The following ZNF7 variants were observed in gnomAD, a reference collection of about 807,000 sequenced individuals.
The protein encoded by ZNF7 is zinc finger protein 7, also known as C2-H2 type zinc finger protein.
Under a neutral mutation model 12.0 loss-of-function variants are expected in ZNF7, and 10 were observed. The observed-to-expected ratio is 0.83, with a 90% confidence interval of 0.51 to 1.42. The LOEUF (loss-of-function observed/expected upper bound fraction) is 1.42, where lower values mean the gene tolerates loss of function less well. Ranked by LOEUF, ZNF7 falls within the 40% of genes most tolerant of loss-of-function variation. The pLI is 0.00. For synonymous variants in ZNF7, 334 were observed against 295.0 expected (o/e 1.13, Z -1.35); for missense variants, 854 against 837.2 (o/e 1.02, Z -0.25).
intron 2 of ZNF7, 152 bp from the exon 3 acceptor site, chr8:144,829,326 G>A: frequency 1.3e-6 from 2 of 1,539,952 alleles, no homozygotes; most frequent in Non-Finnish European, 1.7e-6. Flanking sequence ...TCCTCCCCGA[G>A]ACTGCCCCTC....
intron 3 of ZNF7, among the ~76,000 whole-genome samples, chr8:144,831,781 TAAAAA>T (rs34934472): frequency 1.6e-5 from 1 of 64,266 alleles, no homozygotes. Flanking sequence ...AGACTCCATC[TAAAAA>T]AAAAAAAAAA....
chr8:144,843,386 G>T lies in ZNF7; in HGVS notation c.*218G>T. 2.0e-6 allele frequency: 1 copy of T among 488,972 alleles called. No individual in the cohort carries two copies. Among genetic ancestry groups the T allele is most frequent in the Admixed American group, 3.9e-5 (1 of 25,746 alleles). 30.3% of individuals were successfully genotyped at this position (488,972 alleles called of 1,614,324 possible). A position where few individuals can be genotyped will look rare whatever the true frequency, so the allele number is the denominator to read the frequency against. ...GGGCACATCACGAGGTCAGGAGGTT[G>T]AGACCATCCTGGGTAACAGGTGAAA... On this transcript the variant is annotated 3_prime_UTR_variant, in exon 5 of 5. Transcript: ENST00000532777.
chr8:144,827,776 G>A, intron 1 of ZNF7, 167 bp downstream of exon 1: 1 of 789,800 alleles, frequency 1.3e-6, no homozygotes, highest in Non-Finnish European at 1.5e-6. Context: ...TGTGGGAGGT[G>A]GTCGAGCCCA....
At chr8:144,828,749 TCC>T (rs1461124203) in intron 1 of ZNF7, 30 of 415,456 alleles carry the variant, frequency 7.2e-5, no homozygotes, top group Middle Eastern at 6.8e-4. Context: ...GAAGGCAGGG[TCC>T]TCGTGTCCAC....
chr8:144,840,579 C>T (rs930245133), intron 4 of ZNF7, among the ~76,000 whole-genome samples: 16 of 152,188 alleles, frequency 1.1e-4, no homozygotes, highest in Admixed American at 5.2e-4. Flanking sequence ...CTGACCTCAG[C>T]AGAGGTGCCC....
chr8:144,829,700 T>C, intron 3 of ZNF7, 96 bp downstream of exon 3: 1 of 1,472,136 alleles, frequency 6.8e-7, no homozygotes, highest in South Asian at 1.3e-5. Context: ...GGCCAAACGC[T>C]CAGACCCTTG....
At position 144,843,411 on chromosome 8, in the gene ZNF7, A is replaced by T. The variant is rs1381845710; in HGVS notation, c.*243A>T. ...GAGACCATCCTGGGTAACAGGTGAA[A>T]CCCCATCTCTACTAAAAATACAAAA... On this transcript the variant is annotated 3_prime_UTR_variant, in exon 5 of 5. Transcript: ENST00000532777. 1 of 386,776 alleles carries T rather than the reference A, an allele frequency of 2.6e-6. No homozygotes were observed. The highest frequency in any genetic ancestry group is 4.4e-5 in the East Asian group (1 of 22,912). 24.0% of individuals were successfully genotyped at this position (386,776 alleles called of 1,614,324 possible).
downstream of ZNF7, among the ~76,000 whole-genome samples, chr8:144,844,634 G>A (rs1371439371): frequency 1.3e-5 from 2 of 150,584 alleles, no homozygotes; most frequent in Non-Finnish European, 2.9e-5. Context: ...GTGTGAACCT[G>A]GGAGGCAGAG....
At chr8:144,831,818 A>C (rs10282870) in intron 3 of ZNF7, among the ~76,000 whole-genome samples, 7,333 of 99,274 alleles carry the variant, frequency 0.074, 1,992 homozygotes, top group African/African-American at 0.21. Context: ...TAGAATTTAT[A>C]AAATATGGTA....
At chr8:144,833,496 G>C (rs1243185915) in intron 3 of ZNF7, among the ~76,000 whole-genome samples, 1 of 151,956 alleles carries the variant, frequency 6.6e-6, no homozygotes, top group African/African-American at 2.4e-5. Flanking sequence ...AGCCTCCTGA[G>C]TAGCTGGGAT....
chr8:144,841,669 G>A lies in ZNF7; in HGVS notation c.562G>A (p.Gly188Arg), dbSNP rs1735169. The change falls in exon 5 of 5, where the codon GGA (glycine) becomes AGA (arginine). Residue 188 changes from glycine to arginine, a missense_variant. Physicochemically the swap from Gly to Arg is moderately radical, Grantham distance 125 (BLOSUM62 -2). Transcript: ENST00000532777. ...GGATTGTCAGCCTCTTGAAAGTCAG[G>A]GAGAGAGTGCGGAAGGGATGTCCCA... ...GLDCQPLESQ[G>R]ESAEGMSQRC... The A allele has an allele frequency of 0.41, 660,742 of 1,613,906 alleles. 140,253 individuals carry two copies. The highest frequency in any genetic ancestry group is 0.67 in the African/African-American group (50,411 of 74,924).
intron 4 of ZNF7, chr8:144,838,133 T>G (rs1293930653): frequency 1.4e-6 from 1 of 702,908 alleles, no homozygotes; most frequent in Non-Finnish European, 2.6e-6. Flanking sequence ...AGTCCTTGGG[T>G]TCCTTGGCTT....
chr8:144,841,779 AT>A lies in ZNF7; in HGVS notation c.673del (p.Cys225ValfsTer65). ...AAATTAATACACAGAAAATTAGCAG[AT>A]GTCAAGAATGCCAAAAAAAGTTATC... is the stretch of plus-strand genomic sequence containing the variant. ...WEINTQKISR[C>X]QECQKKLSDC... is the part of the protein sequence containing the mutation. On this transcript the variant is annotated frameshift_variant, in exon 5 of 5. Coordinates refer to ENST00000532777, the MANE Select transcript of ZNF7 (RefSeq NM_003416.4). LOFTEE classifies it low-confidence loss of function (END_TRUNC). 1 of 1,614,206 alleles carries A rather than the reference AT, an allele frequency of 6.2e-7. No individual in the cohort carries two copies. Among genetic ancestry groups the A allele is most frequent in the Non-Finnish European group, 8.5e-7 (1 of 1,180,040 alleles).
rs1336402137 is a variant in ZNF7 at position 144,831,859 on chromosome 8, C to T, written c.130+2255C>T. On this transcript the variant is annotated intron_variant, in intron 3 of 4. Coordinates refer to ENST00000532777, the MANE Select transcript of ZNF7 (RefSeq NM_003416.4). Reference sequence around the variant, plus strand: ...CAGGTTAGTTTTGTTTATTATAAATCACTTTTTCAGCCGGACATGGTGTTG... The same window carrying T: ...CAGGTTAGTTTTGTTTATTATAAATTACTTTTTCAGCCGGACATGGTGTTG... Among the ~76,000 whole-genome samples the T allele has an allele frequency of 8.1e-5, 8 of 98,172 alleles. 2 individuals carry two copies. The highest frequency in any genetic ancestry group is 2.4e-4 in the African/African-American group (8 of 33,524). 64.4% of individuals were successfully genotyped at this position (98,172 alleles called of 152,430 possible). A position where few individuals can be genotyped will look rare whatever the true frequency, so the allele number is the denominator to read the frequency against.
In ZNF7 at chr8:144,843,007, C is replaced by T. The variant is rs79367774; in HGVS notation, c.1900C>T (p.His634Tyr). 3.1e-6 allele frequency: 5 copies of T among 1,614,174 alleles called. No individual in the cohort carries two copies. In the South Asian group the frequency reaches 5.5e-5, roughly 18 times the overall value. Residue 634 changes from histidine to tyrosine, a missense_variant, in exon 5 of 5, where the codon CAT becomes TAT. Transcript: ENST00000532777. Reference protein sequence around the residue: ...RKKVNTIKKLHQCEDCEKIFR... With the variant: ...RKKVNTIKKLYQCEDCEKIFR... ...AAAGGTTAATACTATAAAGAAACTG[C>T]ATCAGTGTGAAGACTGTGAGAAGAT...
rs888568528 is a variant in ZNF7 at position 144,839,382 on chromosome 8, C to T, written c.247+1875C>T. On this transcript the variant is annotated intron_variant, in intron 4 of 4. Transcript: ENST00000532777. The stretch of plus-strand genomic sequence containing the variant: ...CCTCACTGGCTCTGCTGGCTACTCC[C>T]ATGTGATCCTTTCTGCTCAGTCTCC... Among the ~76,000 whole-genome samples, 3 of 152,242 alleles carry T rather than the reference C, an allele frequency of 2.0e-5. No individual in the cohort carries two copies. In the South Asian group the frequency reaches 6.2e-4, roughly 31 times the overall value.
Position 144,841,432 on chromosome 8 carries a change from G to A in ZNF7, c.325G>A (p.Val109Ile). The A allele has an allele frequency of 2.5e-6, 4 of 1,614,230 alleles. No homozygotes were observed. The highest frequency in any genetic ancestry group is 3.4e-6 in the Non-Finnish European group (4 of 1,180,040). Residue 109 changes from valine to isoleucine, a missense_variant, in exon 5 of 5, where the codon GTC becomes ATC. Val to Ile is a conservative substitution (Grantham distance 29). Transcript: ENST00000532777. ...ILKSESYGTV[V>I]RISPQDFPQN... ...AAAATCAGAATCCTATGGGACAGTG[G>A]TCAGAATCTCCCCACAGGACTTTCC... is the stretch of plus-strand genomic sequence containing the variant.
intron 1 of ZNF7, chr8:144,827,989 C>G (rs1287627664): frequency 6.6e-6 from 1 of 152,286 alleles, no homozygotes; most frequent in East Asian, 1.9e-4. Flanking sequence ...TTTTCTCTTT[C>G]TATTTATTGC....
At chr8:144,837,352 G>A (rs375993276) in intron 3 of ZNF7, 39 bp from the exon 4 acceptor site, 21 of 1,547,080 alleles carry the variant, frequency 1.4e-5, no homozygotes, top group South Asian at 2.3e-5. Context: ...CACACTTCCC[G>A]TCATGCTGAC....
Sources: gnomAD v4.1 joint callset for allele counts (sites outside exome capture counted in the v4.1 genomes callset) on GRCh38, gnomAD v4.1.1 for gene constraint, MANE v1.5 for transcripts, NCBI Gene and HGNC (gene_info 2026-07-23, HGNC 2026-07-21) for gene names.